LRP1B: variants seen among roughly 807,000 people sequenced by gnomAD.
LRP1B encodes the protein LDL receptor related protein 1B.
A neutral mutation model predicts 556.6 loss-of-function variants in LRP1B; 217 were observed. The ratio of observed to expected loss-of-function variants is 0.39; its 90% confidence interval spans 0.35 to 0.44. The LOEUF (loss-of-function observed/expected upper bound fraction) is 0.44. LRP1B is among the 20% of genes least tolerant of loss of function. The pLI is 1.00. For missense variants in LRP1B, 5,053 were observed against 5,620.8 expected (o/e 0.90, Z 3.23); for synonymous variants, 2,047 against 1,865.8 (o/e 1.10, Z -2.50).
At chr2:141,424,615 T>A (rs1267025990) in intron 3 of LRP1B, among the ~76,000 whole-genome samples, 2 of 152,336 alleles carry the variant, frequency 1.3e-5, no homozygotes, top group Middle Eastern at 3.4e-3. Flanking sequence ...TACTTTGTAA[T>A]TTTAAGTGAT....
chr2:141,353,818 C>T (rs1688529143), intron 3 of LRP1B, among the ~76,000 whole-genome samples: 1 of 151,912 alleles, frequency 6.6e-6, no homozygotes, highest in Admixed American at 6.6e-5. Flanking sequence ...TTATAGTGCC[C>T]TTTCTTATCA....
intron 15 of LRP1B, among the ~76,000 whole-genome samples, chr2:141,002,677 G>C (rs2105370398): frequency 6.6e-6 from 1 of 152,120 alleles, no homozygotes; most frequent in Admixed American, 6.6e-5. Context: ...AGGGTCCACT[G>C]TATTCTACAT....
At chr2:141,333,074 TC>T (rs1378056178) in intron 3 of LRP1B, among the ~76,000 whole-genome samples, 1 of 152,120 alleles carries the variant, frequency 6.6e-6, no homozygotes, top group Admixed American at 6.5e-5. Context: ...ACATTTTATT[TC>T]TATTTCAGGT....
intron 7 of LRP1B, among the ~76,000 whole-genome samples, chr2:141,178,878 C>G (rs534128304): frequency 9.9e-5 from 15 of 152,038 alleles, no homozygotes; most frequent in African/African-American, 3.1e-4. Flanking sequence ...GAAAAGCTGC[C>G]CATCAGCATA....
At chr2:141,203,125 C>T (rs1253361691) in intron 6 of LRP1B, among the ~76,000 whole-genome samples, 1 of 152,114 alleles carries the variant, frequency 6.6e-6, no homozygotes, top group Non-Finnish European at 1.5e-5. Context: ...GAAGAAACTA[C>T]ATCAACTAAG....
chr2:140,784,376 CCACA>C (rs143661527), intron 32 of LRP1B, among the ~76,000 whole-genome samples: 4,144 of 126,632 alleles, frequency 0.033, 130 homozygotes, highest in East Asian at 0.18. Context: ...GATTCTGCCT[CCACA>C]CACACACACA....
intron 2 of LRP1B, among the ~76,000 whole-genome samples, chr2:141,529,657 C>T (rs1359034857): frequency 6.6e-6 from 1 of 152,018 alleles, no homozygotes; most frequent in Non-Finnish European, 1.5e-5. Context: ...TATTTACATT[C>T]TATTTTACAT....
intron 35 of LRP1B, among the ~76,000 whole-genome samples, chr2:140,761,399 C>T (rs1174280829): frequency 6.6e-6 from 1 of 152,182 alleles, no homozygotes; most frequent in Non-Finnish European, 1.5e-5. Flanking sequence ...GGTATTCACT[C>T]CTTCTCTAGT....
chr2:141,222,851 CA>C (rs1683100650), intron 6 of LRP1B, among the ~76,000 whole-genome samples: 2 of 152,048 alleles, frequency 1.3e-5, no homozygotes, highest in Admixed American at 6.6e-5. Flanking sequence ...CTTCATGTTA[CA>C]AACTCTGAAT....
chr2:141,088,631 C>T (rs910293932), intron 7 of LRP1B, among the ~76,000 whole-genome samples: 5 of 152,120 alleles, frequency 3.3e-5, no homozygotes, highest in African/African-American at 1.2e-4. Flanking sequence ...TATCATTTGC[C>T]TTTGTCAGTT....
chr2:140,879,946 T>C (rs1693422103), intron 25 of LRP1B, among the ~76,000 whole-genome samples: 1 of 144,948 alleles, frequency 6.9e-6, no homozygotes, highest in Non-Finnish European at 1.5e-5. Context: ...TAAATGATCC[T>C]GGTTAAAAAA....
intron 7 of LRP1B, among the ~76,000 whole-genome samples, chr2:141,073,226 C>T (rs1004642000): frequency 6.6e-6 from 1 of 152,050 alleles, no homozygotes; most frequent in African/African-American, 2.4e-5. Context: ...TCCAAATTTA[C>T]CATTCAAATT....
chr2:141,103,156 A>T (rs1486037588), intron 7 of LRP1B, among the ~76,000 whole-genome samples: 1 of 152,130 alleles, frequency 6.6e-6, no homozygotes, highest in Non-Finnish European at 1.5e-5. Flanking sequence ...ATGCCAAAAA[A>T]AAAAGGTAAC....
intron 7 of LRP1B, among the ~76,000 whole-genome samples, chr2:141,116,885 T>G (rs1488805056): frequency 6.6e-6 from 1 of 152,114 alleles, no homozygotes; most frequent in Admixed American, 6.5e-5. Context: ...TTCCTTGGAT[T>G]GCATATTTTA....
chr2:141,278,684 C>T (rs754939076), intron 3 of LRP1B, among the ~76,000 whole-genome samples: 4 of 152,090 alleles, frequency 2.6e-5, no homozygotes, highest in Non-Finnish European at 5.9e-5. Flanking sequence ...ACCCATGAGG[C>T]CTGCTTTGTT....
intron 77 of LRP1B, among the ~76,000 whole-genome samples, chr2:140,338,122 A>G (rs760813898): frequency 1.3e-5 from 2 of 151,796 alleles, no homozygotes; most frequent in African/African-American, 4.8e-5. Flanking sequence ...TGACTTGCAG[A>G]GCCATTTAAT....
chr2:141,729,386 G>A (rs1426164073), intron 2 of LRP1B, among the ~76,000 whole-genome samples: 2 of 152,036 alleles, frequency 1.3e-5, no homozygotes, highest in Non-Finnish European at 2.9e-5. Flanking sequence ...GGTATTACTG[G>A]TTTTGAAGAA....
At chr2:140,995,142 GCTCT>G (rs1697206773) in intron 15 of LRP1B, among the ~76,000 whole-genome samples, 1 of 151,992 alleles carries the variant, frequency 6.6e-6, no homozygotes, top group African/African-American at 2.4e-5. Context: ...ATCTGCTGCA[GCTCT>G]AAAACTAGTT....
rs182292301 is a variant in LRP1B, at chr2:141,871,179, T to C, written c.83-60778A>G. 7.2e-4 allele frequency among the ~76,000 whole-genome samples: 109 copies of C among 152,124 alleles called. 1 individual carries two copies. Among genetic ancestry groups the C allele is most frequent in the Non-Finnish European group, 1.2e-3 (82 of 67,906 alleles). ...ACCAATCCCTCAACTTGACCTCCTCTGAGGTTTACTGAACATGTGATTAGC... is the reference window on the plus strand; with the variant it reads ...ACCAATCCCTCAACTTGACCTCCTCCGAGGTTTACTGAACATGTGATTAGC... On this transcript the variant is annotated intron_variant, in intron 1 of 90. Transcript: ENST00000389484.
Sources: gnomAD v4.1 joint callset for allele counts (sites outside exome capture counted in the v4.1 genomes callset) on GRCh38, gnomAD v4.1.1 for gene constraint, MANE v1.5 for transcripts, NCBI Gene and HGNC (gene_info 2026-07-23, HGNC 2026-07-21) for gene names.